The following HYDIN variants were observed in gnomAD, a reference collection of about 807,000 sequenced individuals.
HYDIN encodes axonemal central pair apparatus protein HYDIN.
HYDIN carries 132 observed loss-of-function variants against 403.9 expected under a neutral mutation model. The ratio of observed to expected loss-of-function variants is 0.33; its 90% CI spans 0.28 to 0.38. The LOEUF is 0.38. HYDIN is among the 10% of genes least tolerant of loss of function. The pLI, the probability that HYDIN is intolerant of heterozygous loss-of-function variation, is 1.00. For missense variants in HYDIN, 2,827 were observed against 5,009.5 expected (o/e 0.56, Z 13.15); for synonymous variants, 1,202 against 1,891.7 (o/e 0.64, Z 9.46).
In HYDIN at chr16:70,921,176, G is replaced by A. The variant is rs78468321; in HGVS notation, c.7200C>T (p.Ile2400=). 5.5e-6 allele frequency: 8 copies of A among 1,458,866 alleles called. No individual in the cohort carries two copies. Among genetic ancestry groups the A allele is most frequent in the South Asian group, 1.3e-5 (1 of 77,248 alleles). 90.4% of individuals were successfully genotyped at this position (1,458,866 alleles called of 1,614,324 possible). A position where few individuals can be genotyped will look rare whatever the true frequency, so the allele number is the denominator to read the frequency against. Reference sequence around the variant, plus strand: ...GTTCCCTAACAGATATTTTCCTTTCGATTGTCTCCATCTTGACATCCACTT... The same window carrying A: ...GTTCCCTAACAGATATTTTCCTTTCAATTGTCTCCATCTTGACATCCACTT... ...LTKVDVKMET[I]ERKISVREQT... is the part of the protein sequence containing the mutation. Residue 2400 remains isoleucine (I), a synonymous_variant, in exon 46 of 86, where the codon ATC becomes ATT. Transcript: ENST00000393567.
chr16:71,105,448 G>A (rs1039357864), intron 10 of HYDIN, among the ~76,000 whole-genome samples: 5 of 139,278 alleles, frequency 3.6e-5, no homozygotes, highest in African/African-American at 1.3e-4. Context: ...TTCAATGATT[G>A]GGGTGATTTT....
rs2040432083 is a variant in HYDIN, at chr16:70,876,098, A to G, written c.10558-1179T>C. Among the ~76,000 whole-genome samples the G allele has an allele frequency of 3.3e-5, 5 of 151,878 alleles. No homozygotes were observed. In the South Asian group the frequency reaches 1.0e-3, roughly 32 times the overall value. On this transcript the variant is annotated intron_variant, in intron 62 of 85. Transcript: ENST00000393567. ...ATCTGTGAGAGTATAGAAATCCAGC[A>G]AGGTCAGTCTCACTTTCTGGGCAGT...
chr16:71,186,006 A>G (rs777283619), intron 2 of HYDIN, among the ~76,000 whole-genome samples: 50 of 152,210 alleles, frequency 3.3e-4, no homozygotes, highest in Non-Finnish European at 6.3e-4. Flanking sequence ...AGATAAGGAC[A>G]ATAAAATGTT....
At chr16:70,982,359 G>A (rs2079072210) in intron 28 of HYDIN, among the ~76,000 whole-genome samples, 1 of 151,238 alleles carries the variant, frequency 6.6e-6, no homozygotes, top group African/African-American at 2.4e-5. Flanking sequence ...AGGAATATAT[G>A]GCATTGGAAG....
chr16:71,096,692 T>A (rs1160421705), intron 10 of HYDIN, among the ~76,000 whole-genome samples: 1 of 140,122 alleles, frequency 7.1e-6, no homozygotes, highest in Non-Finnish European at 1.5e-5. Context: ...GATCTCTGCT[T>A]AATTTTGATA....
intron 23 of HYDIN, among the ~76,000 whole-genome samples, chr16:71,007,908 A>C (rs1279723375): frequency 1.3e-5 from 2 of 151,966 alleles, no homozygotes; most frequent in Middle Eastern, 3.4e-3. Context: ...GAATCAATCC[A>C]GGTGCCCATC....
chr16:70,921,353 T>C (rs2076990432), intron 45 of HYDIN, 136 bp from the exon 46 acceptor site: 2 of 725,672 alleles, frequency 2.8e-6, no homozygotes, highest in South Asian at 3.7e-5. Flanking sequence ...CACGCTAAGG[T>C]TGTGCCTGGG....
intron 41 of HYDIN, among the ~76,000 whole-genome samples, chr16:70,944,981 G>A (rs2077806631): frequency 6.6e-6 from 1 of 152,240 alleles, no homozygotes; most frequent in South Asian, 2.1e-4. Flanking sequence ...TCGAACTCCT[G>A]ACCTCAGGTG....
chr16:71,003,433 T>A lies in HYDIN; in HGVS notation c.3645-11223A>T, dbSNP rs556876483. The stretch of plus-strand genomic sequence containing the variant: ...TATCCATAAATATTGTGTTTTTATG[T>A]TACATTTATTTCTAAGTACTTTTTT... On this transcript the variant is annotated intron_variant, in intron 23 of 85. Coordinates refer to ENST00000393567, the MANE Select transcript of HYDIN (RefSeq NM_001270974.2). Among the ~76,000 whole-genome samples the A allele has an allele frequency of 8.0e-4, 121 of 152,130 alleles. 1 individual carries two copies. The highest frequency in any genetic ancestry group is 1.5e-3 in the Non-Finnish European group (104 of 68,038).
chr16:70,834,778 G>T (rs371009178), intron 78 of HYDIN, among the ~76,000 whole-genome samples: 1 of 151,526 alleles, frequency 6.6e-6, no homozygotes, highest in African/African-American at 2.4e-5. Flanking sequence ...AACCCAGGAG[G>T]TGGAGATTGC....
chr16:70,839,484 G>A (rs1047559102), intron 76 of HYDIN, among the ~76,000 whole-genome samples: 2 of 144,724 alleles, frequency 1.4e-5, no homozygotes, highest in Admixed American at 1.4e-4. Flanking sequence ...TTCAGCTATA[G>A]GCCACCATAT....
chr16:71,020,733 CA>C (rs1300750322), intron 21 of HYDIN, among the ~76,000 whole-genome samples: 1 of 150,824 alleles, frequency 6.6e-6, no homozygotes, highest in Non-Finnish European at 1.5e-5. Flanking sequence ...CACTTGAACC[CA>C]GGAGGCAGAG....
At chr16:71,080,235 CA>C (rs1315968955) in intron 12 of HYDIN, 1 of 180,188 alleles carries the variant, frequency 5.5e-6, no homozygotes, top group Non-Finnish European at 1.1e-5. Flanking sequence ...GATCACCAAA[CA>C]AGGGCACAAA....
intron 53 of HYDIN, among the ~76,000 whole-genome samples, chr16:70,900,242 G>A (rs1383779107): frequency 9.9e-5 from 15 of 151,860 alleles, no homozygotes; most frequent in Admixed American, 2.0e-4. Context: ...TTGGGAGGCC[G>A]AGGCAGGAGG....
At position 71,074,707 on chromosome 16, in the gene HYDIN, CAAAAAAAAA is replaced by C. The variant is rs59315287; in HGVS notation, c.1738+5169_1738+5177del. 6.2e-3 allele frequency among the ~76,000 whole-genome samples: 531 copies of C among 86,188 alleles called. 2 individuals carry two copies. Among genetic ancestry groups the C allele is most frequent in the African/African-American group, 0.023 (510 of 22,252 alleles). 56.5% of individuals were successfully genotyped at this position (86,188 alleles called of 152,430 possible). ...CAAAACAAAACAAAACAAAAAACAC[CAAAAAAAAA>C]AAAAAAAAAAAAGAAAAGAAAGTTT... On this transcript the variant is annotated intron_variant, in intron 13 of 85. Transcript: ENST00000393567.
At position 71,069,313 on chromosome 16, in the gene HYDIN, G is replaced by C. The variant is rs768355494; in HGVS notation, c.1928C>G (p.Ser643Cys). 2 of 1,613,838 alleles carry C rather than the reference G, an allele frequency of 1.2e-6. No homozygotes were observed. Among genetic ancestry groups the C allele is most frequent in the East Asian group, 2.2e-5 (1 of 44,870 alleles). The change falls in exon 14 of 86, where the codon TCT becomes TGT. Residue 643 changes from serine to cysteine, a missense_variant. Coordinates refer to ENST00000393567, the MANE Select transcript of HYDIN (RefSeq NM_001270974.2). ...SSMKPKEFTI[S>C]PDCGTIRPQG... ...GGGGCGAATGGTGCCACAGTCAGGA[G>C]AGATGGTGAATTCTTTTGGTTTCAT...
At chr16:71,178,607 C>T (rs974445505) in intron 4 of HYDIN, among the ~76,000 whole-genome samples, 1 of 151,586 alleles carries the variant, frequency 6.6e-6, no homozygotes, top group Non-Finnish European at 1.5e-5. Flanking sequence ...AGTAATTTCC[C>T]TATCTTAAAT....
At chr16:71,203,724 C>T (rs1241942542) in intron 1 of HYDIN, 1 of 455,984 alleles carries the variant, frequency 2.2e-6, no homozygotes, top group Non-Finnish European at 4.4e-6. Flanking sequence ...CCAGCACATA[C>T]CAATGTCTTT....
chr16:71,134,509 C>A (rs1213718337), intron 8 of HYDIN, among the ~76,000 whole-genome samples: 3 of 152,230 alleles, frequency 2.0e-5, no homozygotes, highest in African/African-American at 7.2e-5. Context: ...CGCTAAAGAT[C>A]TCGCTGCTGC....
Sources: allele counts gnomAD v4.1 joint callset (sites outside exome capture counted in the v4.1 genomes callset), GRCh38; gene constraint gnomAD v4.1.1; transcripts MANE v1.5; gene names NCBI Gene and HGNC (gene_info 2026-07-23, HGNC 2026-07-21).